Variants in NTM observed in about 807,000 individuals in gnomAD.
The protein encoded by NTM is neurotrimin, also known as IgLON family member 2.
In NTM, 13 loss-of-function variants were observed where a neutral mutation model predicts 42.1. That is an observed-to-expected ratio of 0.31 (90% confidence interval 0.20 to 0.49). The LOEUF is 0.49. Among genes scored for constraint, NTM ranks in the 20% least tolerant of loss-of-function variants. The pLI, the probability that NTM is intolerant of heterozygous loss-of-function variation, is 0.99. For missense variants in NTM, 373 were observed against 452.8 expected, an observed-to-expected ratio of 0.82 and a Z score of 1.60; for synonymous variants, 187 against 179.2, an observed-to-expected ratio of 1.04 and a Z score of -0.35.
intron 1 of NTM, among the ~76,000 whole-genome samples, chr11:131,716,504 A>G (rs1203264758): frequency 6.6e-6 from 1 of 152,090 alleles, no homozygotes; most frequent in African/African-American, 2.4e-5. Flanking sequence ...TGACAGTTTA[A>G]TTTCTTCCGT....
In NTM at chr11:132,003,589, T is replaced by G. The variant is rs1410860996; in HGVS notation, c.167+91941T>G. On this transcript the variant is annotated intron_variant, in intron 2 of 8. Transcript: ENST00000683400. This position sits in a 1 kb window ranked among gnomAD's most constrained non-coding sequence, Gnocchi z 6.0. ...CAAGTTCCTGGGTAAAACTGATCCT[T>G]GTGGTCTGGGGACCACACTTTGAGA... 6.6e-6 allele frequency among the ~76,000 whole-genome samples: 1 copy of G among 152,134 alleles called. No homozygotes were observed. Among genetic ancestry groups the G allele is most frequent in the East Asian group, 1.9e-4 (1 of 5,172 alleles).
chr11:131,603,566 T>C (rs915521504), intron 1 of NTM, among the ~76,000 whole-genome samples: 2 of 152,116 alleles, frequency 1.3e-5, no homozygotes, highest in African/African-American at 4.8e-5. Flanking sequence ...CAAGCTTAAA[T>C]TGTGAAATGT....
chr11:132,198,980 A>G (rs556994032), intron 3 of NTM, among the ~76,000 whole-genome samples: 20 of 152,256 alleles, frequency 1.3e-4, no homozygotes, highest in Non-Finnish European at 2.4e-4. Context: ...TCAGACATGT[A>G]GACCTGAAAA....
At chr11:131,658,124 C>T (rs964941343) in intron 1 of NTM, among the ~76,000 whole-genome samples, 1 of 152,114 alleles carries the variant, frequency 6.6e-6, no homozygotes, top group Admixed American at 6.5e-5. Flanking sequence ...GCTCTCTTTC[C>T]ATTAAGTTTT....
chr11:131,751,131 T>G (rs2082447545), intron 1 of NTM, among the ~76,000 whole-genome samples: 1 of 152,196 alleles, frequency 6.6e-6, no homozygotes, highest in Non-Finnish European at 1.5e-5. Context: ...TGTGATCTAT[T>G]TATTTTTTAA....
At chr11:131,865,897 CACA>C (rs2047113654) in intron 1 of NTM, among the ~76,000 whole-genome samples, 2 of 114,980 alleles carry the variant, frequency 1.7e-5, no homozygotes, top group African/African-American at 6.2e-5. Context: ...CCCACATTCA[CACA>C]TGCTACATAC....
intron 1 of NTM, among the ~76,000 whole-genome samples, chr11:131,697,356 T>A (rs2075581146): frequency 6.6e-6 from 1 of 152,256 alleles, no homozygotes; most frequent in Non-Finnish European, 1.5e-5. Flanking sequence ...CCGTTGCAGC[T>A]TCATCCAGAG....
chr11:132,085,799 G>T (rs1485399456), intron 2 of NTM, among the ~76,000 whole-genome samples: 1 of 152,124 alleles, frequency 6.6e-6, no homozygotes, highest in Admixed American at 6.6e-5. Context: ...TCTGGGTGGT[G>T]CCCTTTAAGA....
intron 1 of NTM, among the ~76,000 whole-genome samples, chr11:131,717,689 C>T (rs1203270257): frequency 6.6e-6 from 1 of 152,166 alleles, no homozygotes; most frequent in African/African-American, 2.4e-5. Flanking sequence ...TCCTTTCCAG[C>T]ATGAATGCCT....
chr11:131,793,708 C>A (rs1010930411), intron 1 of NTM, among the ~76,000 whole-genome samples: 82 of 152,166 alleles, frequency 5.4e-4, no homozygotes, highest in African/African-American at 1.8e-3. Flanking sequence ...CCACCTCCCA[C>A]CCTATTATTT....
At chr11:132,251,907 T>C (rs3099798) in intron 4 of NTM, among the ~76,000 whole-genome samples, 72,734 of 152,124 alleles carry the variant, frequency 0.48, 17,809 homozygotes, top group African/African-American at 0.55. Flanking sequence ...AGAAAATCTT[T>C]AGGCTAACAG....
intron 1 of NTM, among the ~76,000 whole-genome samples, chr11:131,503,141 T>G (rs183568099): frequency 2.6e-4 from 40 of 152,264 alleles, no homozygotes; most frequent in Admixed American, 2.2e-3. Context: ...AGAGTGTGCA[T>G]GCCCACAGGA....
At chr11:131,978,937 A>T (rs1285649944) in intron 2 of NTM, among the ~76,000 whole-genome samples, 2 of 152,134 alleles carry the variant, frequency 1.3e-5, no homozygotes, top group African/African-American at 2.4e-5. Context: ...GTCCCCTAGG[A>T]TGCAGTTTAG....
chr11:131,537,505 C>T (rs1276627187), intron 1 of NTM: 4 of 152,216 alleles, frequency 2.6e-5, no homozygotes, highest in Non-Finnish European at 2.9e-5. Flanking sequence ...GAAGAGGCTT[C>T]TGAAGATCAG....
rs920037273 is a variant in NTM at position 131,797,494 on chromosome 11, A to G, written c.83-114070A>G. ...ATAGAATCGAAGGAAATATGAGACAAATGGGACCTGTGCAAAGATATGCCT... is the reference window on the plus strand; with the variant it reads ...ATAGAATCGAAGGAAATATGAGACAGATGGGACCTGTGCAAAGATATGCCT... On this transcript the variant is annotated intron_variant, in intron 1 of 8. Transcript: ENST00000683400. Among the ~76,000 whole-genome samples, 3 of 152,326 alleles carry G rather than the reference A, an allele frequency of 2.0e-5. No individual in the cohort carries two copies. In the East Asian group the frequency reaches 5.8e-4, roughly 29 times the overall value.
chr11:132,203,889 A>G (rs542086103), intron 3 of NTM, among the ~76,000 whole-genome samples: 1 of 148,552 alleles, frequency 6.7e-6, no homozygotes, highest in South Asian at 2.2e-4. Context: ...ATAGAATGAG[A>G]CTCCATCTCA....
At chr11:131,829,463 A>G (rs192120709) in intron 1 of NTM, among the ~76,000 whole-genome samples, 4 of 152,202 alleles carry the variant, frequency 2.6e-5, no homozygotes, top group East Asian at 3.9e-4. Context: ...TCCTGCATTA[A>G]TTCACTTAGG....
At chr11:132,086,120 C>A (rs1252917014) in intron 2 of NTM, among the ~76,000 whole-genome samples, 1 of 151,868 alleles carries the variant, frequency 6.6e-6, no homozygotes, top group Non-Finnish European at 1.5e-5. Flanking sequence ...GTCAGGAGAT[C>A]AAGACCATCC....
At chr11:131,729,798 T>C (rs971362440) in intron 1 of NTM, among the ~76,000 whole-genome samples, 68 of 152,244 alleles carry the variant, frequency 4.5e-4, no homozygotes, top group African/African-American at 1.5e-3. Context: ...GGATATGCCA[T>C]ATTTTCTTTA....
Sources: allele counts gnomAD v4.1 joint callset (sites outside exome capture counted in the v4.1 genomes callset), GRCh38; gene constraint gnomAD v4.1.1; non-coding constraint Gnocchi (gnomAD v3.1); transcripts MANE v1.5; gene names NCBI Gene and HGNC (gene_info 2026-07-23, HGNC 2026-07-21).